The following FAM222B variants were observed in gnomAD, a reference collection of about 807,000 sequenced individuals.
FAM222B encodes protein FAM222B.
Under a neutral mutation model 38.0 loss-of-function variants are expected in FAM222B, and 12 were observed. That is an observed-to-expected ratio of 0.32 (90% CI 0.20 to 0.51). The LOEUF (loss-of-function observed/expected upper bound fraction) is 0.51, where lower values mean the gene tolerates loss of function less well. Among genes scored for constraint, FAM222B ranks in the 20% least tolerant of loss-of-function variants. The pLI, the probability that FAM222B is intolerant of heterozygous loss-of-function variation, is 0.97. For synonymous variants in FAM222B, 329 were observed against 317.2 expected, an observed-to-expected ratio of 1.04 and a Z score of -0.40; for missense variants, 716 against 754.2, an observed-to-expected ratio of 0.95 and a Z score of 0.59.
At chr17:28,791,038 G>C (rs931647995) in intron 1 of FAM222B, among the ~76,000 whole-genome samples, 3 of 151,106 alleles carry the variant, frequency 2.0e-5, no homozygotes, top group African/African-American at 7.3e-5. Context: ...AGCCGGCGTA[G>C]CTGGGACTAC....
At chr17:28,808,574 C>T (rs1442594751) in intron 1 of FAM222B, among the ~76,000 whole-genome samples, 1 of 152,214 alleles carries the variant, frequency 6.6e-6, no homozygotes, top group African/African-American at 2.4e-5. Flanking sequence ...GAGTGGTAAA[C>T]AGATTACAGA....
rs1251879691 is a variant in FAM222B, at chr17:28,758,791, C to T, written c.1168G>A (p.Gly390Ser). Reference sequence around the variant, plus strand: ...AACTCGCGTCCTGCCGCATGCTTGCCTGTCAGGCCAGGGGCTGGCGTCCCA... The same window carrying T: ...AACTCGCGTCCTGCCGCATGCTTGCTTGTCAGGCCAGGGGCTGGCGTCCCA... Reference protein sequence around the residue: ...ASGTPAPGLTGKHAAGRELAG... With the variant: ...ASGTPAPGLTSKHAAGRELAG... Residue 390 changes from glycine to serine, a missense_variant, in exon 3 of 3, where the codon GGC becomes AGC. Physicochemically the swap from Gly to Ser is moderately conservative, Grantham distance 56. Transcript: ENST00000581407. 6.3e-7 allele frequency: 1 copy of T among 1,577,514 alleles called. No individual in the cohort carries two copies. The highest frequency in any genetic ancestry group is 8.6e-7 in the Non-Finnish European group (1 of 1,160,344).
Position 28,756,789 on chromosome 17 carries a change from G to A in FAM222B, c.*1481C>T, listed in dbSNP as rs957491484. ...CTTGCCAACACATAACTTAAAACTG[G>A]TCTTCAGTCACATTGCTTCAGATCA... is the stretch of plus-strand genomic sequence containing the variant. On this transcript the variant is annotated 3_prime_UTR_variant, in exon 3 of 3. Transcript: ENST00000581407. The A allele has an allele frequency of 1.3e-5, 2 of 151,900 alleles. No homozygotes were observed. The highest frequency in any genetic ancestry group is 4.9e-5 in the African/African-American group (2 of 41,160). The allele number at this position is 151,900 out of a possible 1,614,324, so 9.4% of individuals were successfully genotyped here.
chr17:28,771,106 A>G (rs2035611843), intron 1 of FAM222B, among the ~76,000 whole-genome samples: 1 of 151,764 alleles, frequency 6.6e-6, no homozygotes, highest in Non-Finnish European at 1.5e-5. Context: ...GTAAATGAAA[A>G]GACTGCTAAA....
At chr17:28,843,442 CTTTTTT>C (rs1161514672), upstream of FAM222B, among the ~76,000 whole-genome samples, 3 of 86,978 alleles carry the variant, frequency 3.4e-5, no homozygotes, top group Admixed American at 3.9e-4. Flanking sequence ...CAGCCTGGGT[CTTTTTT>C]TTTTTTTTTT....
At chr17:28,775,812 T>A (rs534193111) in intron 1 of FAM222B, among the ~76,000 whole-genome samples, 2 of 147,796 alleles carry the variant, frequency 1.4e-5, no homozygotes, top group Non-Finnish European at 3.0e-5. Context: ...ACCCAGGAGA[T>A]GGAGGTTGCA....
chr17:28,765,669 G>C (rs567249084), intron 2 of FAM222B, among the ~76,000 whole-genome samples: 3 of 152,312 alleles, frequency 2.0e-5, no homozygotes, highest in Admixed American at 2.0e-4. Flanking sequence ...GTATTACAGG[G>C]AGAGAAGGTA....
chr17:28,786,960 A>G (rs907975640), intron 1 of FAM222B, among the ~76,000 whole-genome samples: 5 of 124,690 alleles, frequency 4.0e-5, no homozygotes, highest in African/African-American at 1.6e-4. Flanking sequence ...CCTGGAGTGC[A>G]GTGGCGCGAT....
At chr17:28,802,107 G>A (rs1477945835) in intron 1 of FAM222B, among the ~76,000 whole-genome samples, 44 of 131,812 alleles carry the variant, frequency 3.3e-4, no homozygotes, top group Non-Finnish European at 1.6e-5. Flanking sequence ...TTTTTTTTCT[G>A]AGAAAGAGTC....
intron 1 of FAM222B, among the ~76,000 whole-genome samples, chr17:28,780,161 G>A (rs2036104186): frequency 1.3e-5 from 2 of 151,828 alleles, no homozygotes; most frequent in East Asian, 3.9e-4. Context: ...TAGTAGAGAC[G>A]GGGTTTCACC....
intron 2 of FAM222B, among the ~76,000 whole-genome samples, chr17:28,765,496 G>A (rs1211534735): frequency 2.6e-5 from 4 of 152,122 alleles, no homozygotes; most frequent in African/African-American, 9.7e-5. Flanking sequence ...GTTCAGTTAA[G>A]GTGCTGAAGC....
At chr17:28,761,170 A>G (rs1208007926) in intron 2 of FAM222B, among the ~76,000 whole-genome samples, 6 of 152,178 alleles carry the variant, frequency 3.9e-5, no homozygotes, top group Non-Finnish European at 8.8e-5. Context: ...CTTTGTTCCC[A>G]TCTCCTGTTG....
intron 1 of FAM222B, among the ~76,000 whole-genome samples, chr17:28,813,931 C>T (rs1287969628): frequency 6.6e-6 from 1 of 151,652 alleles, no homozygotes; most frequent in Admixed American, 6.6e-5. Context: ...GAAAACTGGC[C>T]GGGCGCGGTG....
chr17:28,796,814 C>G (rs2036961956), intron 1 of FAM222B, among the ~76,000 whole-genome samples: 1 of 151,976 alleles, frequency 6.6e-6, no homozygotes, highest in Non-Finnish European at 1.5e-5. Context: ...GGTTAGTACA[C>G]TGCCTATGCT....
At chr17:28,837,913 A>C (rs1302104239) in intron 1 of FAM222B, among the ~76,000 whole-genome samples, 2 of 152,024 alleles carry the variant, frequency 1.3e-5, no homozygotes, top group Non-Finnish European at 2.9e-5. Context: ...TCGGCCTCCC[A>C]AAGTGCTAGG....
At chr17:28,791,750 T>TGTC (rs2151873547) in intron 1 of FAM222B, among the ~76,000 whole-genome samples, 1 of 149,190 alleles carries the variant, frequency 6.7e-6, no homozygotes, top group Admixed American at 6.7e-5. Flanking sequence ...GCCTCCACTT[T>TGTC]CTGGGTTCAA....
At chr17:28,791,795 G>A (rs1234023715) in intron 1 of FAM222B, among the ~76,000 whole-genome samples, 2 of 151,196 alleles carry the variant, frequency 1.3e-5, no homozygotes, top group African/African-American at 4.9e-5. Context: ...GAGCAGCTGG[G>A]ATTACAGGCA....
chr17:28,775,063 C>T (rs1171548377), intron 1 of FAM222B, among the ~76,000 whole-genome samples: 6 of 140,842 alleles, frequency 4.3e-5, no homozygotes, highest in Non-Finnish European at 6.0e-5. Flanking sequence ...TGCAGTGGCG[C>T]GATCTCAGGT....
chr17:28,789,384 A>C (rs945401338), intron 1 of FAM222B, among the ~76,000 whole-genome samples: 2 of 151,824 alleles, frequency 1.3e-5, no homozygotes, highest in East Asian at 3.9e-4. Flanking sequence ...TTCTTAGTAC[A>C]CACGGGGTTT....
Sources: allele counts gnomAD v4.1 joint callset (sites outside exome capture counted in the v4.1 genomes callset), GRCh38; gene constraint gnomAD v4.1.1; transcripts MANE v1.5; gene names NCBI Gene and HGNC (gene_info 2026-07-23, HGNC 2026-07-21).